CFLAR: variants seen among roughly 807,000 people sequenced by gnomAD.
CFLAR encodes the protein CASP8 and FADD like apoptosis regulator, also known as CASP8 and FADD-like apoptosis regulator.
In CFLAR, 14 loss-of-function variants were observed where a neutral mutation model predicts 51.1. The ratio of observed to expected loss-of-function variants is 0.27; its 90% CI spans 0.18 to 0.43. CFLAR has a LOEUF of 0.43. CFLAR is among the 20% of genes least tolerant of loss of function. The pLI is 1.00. For synonymous variants in CFLAR, 210 were observed against 211.6 expected (o/e 0.99, Z 0.06); for missense variants, 390 against 566.5 (o/e 0.69, Z 3.16).
chr2:201,140,286 A>G, intron 4 of CFLAR, 71 bp from the exon 5 acceptor site: 3 of 1,567,594 alleles, frequency 1.9e-6, no homozygotes, highest in South Asian at 2.3e-5. Context: ...CCTTGGACTG[A>G]ACCACTATTG....
chr2:201,155,781 A>G lies in CFLAR; in HGVS notation c.794-4651A>G, dbSNP rs115682049. Reference sequence around the variant, plus strand: ...TGGAACTACACACAGGCGCCACCACATCCATCTAATTTTTAAAATATTCTG... The same window carrying G: ...TGGAACTACACACAGGCGCCACCACGTCCATCTAATTTTTAAAATATTCTG... On this transcript the variant is annotated intron_variant, in intron 8 of 9. Transcript: ENST00000309955. Among the ~76,000 whole-genome samples, 1,103 of 151,948 alleles carry G rather than the reference A, an allele frequency of 7.3e-3. 18 individuals carry two copies. The highest frequency in any genetic ancestry group is 0.026 in the African/African-American group (1,066 of 41,432).
chr2:201,128,354 C>G (rs898920544), intron 1 of CFLAR, among the ~76,000 whole-genome samples: 1 of 152,100 alleles, frequency 6.6e-6, no homozygotes, highest in Non-Finnish European at 1.5e-5. Flanking sequence ...GTAAAATAGT[C>G]TGAGTGCCAA....
chr2:201,138,471 C>T lies in CFLAR; in HGVS notation c.524-1886C>T. 1.0e-6 allele frequency: 1 copy of T among 978,986 alleles called. No homozygotes were observed. Among genetic ancestry groups the T allele is most frequent in the Middle Eastern group, 3.0e-4 (1 of 3,298 alleles). 60.6% of individuals were successfully genotyped at this position (978,986 alleles called of 1,614,324 possible). Reference sequence around the variant, plus strand: ...TACTAAGCTGCAGGATCTCATTTGCCTCTTTCAACCTCACACTGCTGGAGC... The same window carrying T: ...TACTAAGCTGCAGGATCTCATTTGCTTCTTTCAACCTCACACTGCTGGAGC... On this transcript the variant is annotated intron_variant, in intron 4 of 9. Coordinates refer to ENST00000309955, the MANE Select transcript of CFLAR (RefSeq NM_003879.7). The surrounding 1 kb of genome is among the most constrained non-coding windows in gnomAD (Gnocchi z 4.0).
rs1339014477 is a variant in CFLAR at position 201,138,356 on chromosome 2, G to C, written c.524-2001G>C. 6.5e-6 allele frequency: 5 copies of C among 768,428 alleles called. No individual in the cohort carries two copies. The African/African-American group carries it at 8.5e-5, about 13-fold the overall frequency. 47.6% of individuals were successfully genotyped at this position (768,428 alleles called of 1,614,324 possible). ...CAGCTGCTCATGGGAATCCTTGGAG[G>C]CCACAGGGTAGTCTCGGTTCTTCAG... On this transcript the variant is annotated intron_variant, in intron 4 of 9. Coordinates refer to ENST00000309955, the MANE Select transcript of CFLAR (RefSeq NM_003879.7). This position sits in a 1 kb window ranked among gnomAD's most constrained non-coding sequence, Gnocchi z 4.0.
chr2:201,141,528 G>C, intron 5 of CFLAR: 1 of 1,390,430 alleles, frequency 7.2e-7, no homozygotes, highest in Non-Finnish European at 9.4e-7. Flanking sequence ...TCTTGTTGCT[G>C]TATGTTTAGA....
intron 2 of CFLAR, among the ~76,000 whole-genome samples, chr2:201,131,695 G>GTTTT (rs952398371): frequency 6.6e-6 from 1 of 151,776 alleles, no homozygotes; most frequent in Non-Finnish European, 1.5e-5. Flanking sequence ...TTTGGTTTTT[G>GTTTT]TTTTTTTGTT....
At chr2:201,144,138 G>A (rs1479361873) in intron 5 of CFLAR, 1 of 152,290 alleles carries the variant, frequency 6.6e-6, no homozygotes, top group East Asian at 1.9e-4. Context: ...CAACTTACAT[G>A]TTTTTAATTT....
At chr2:201,122,866 T>A (rs1402488546) in intron 1 of CFLAR, 4 of 152,072 alleles carry the variant, frequency 2.6e-5, no homozygotes, top group Admixed American at 6.5e-5. Flanking sequence ...GGAGTTAGAT[T>A]ATGGGTTGGG....
At chr2:201,141,430 G>A (rs1229095045) in intron 5 of CFLAR, 1 of 1,555,620 alleles carries the variant, frequency 6.4e-7, no homozygotes, top group Non-Finnish European at 8.7e-7. Flanking sequence ...ATTGTTCCAT[G>A]TGATTAACAT....
Position 201,138,851 on chromosome 2 carries a change from G to T in CFLAR, c.524-1506G>T. 3 of 730,062 alleles carry T rather than the reference G, an allele frequency of 4.1e-6. No homozygotes were observed. The highest frequency in any genetic ancestry group is 7.6e-6 in the Non-Finnish European group (3 of 394,408). The allele number at this position is 730,062 out of a possible 1,614,324, so 45.2% of individuals were successfully genotyped here. On this transcript the variant is annotated intron_variant, in intron 4 of 9. Coordinates refer to ENST00000309955, the MANE Select transcript of CFLAR (RefSeq NM_003879.7). This position sits in a 1 kb window ranked among gnomAD's most constrained non-coding sequence, Gnocchi z 4.0. Reference sequence around the variant, plus strand: ...GGTCGGCCTCTGTCACAGTGTCCATGGGGGAGGAGATCAGCGGCGTCTTCA... The same window carrying T: ...GGTCGGCCTCTGTCACAGTGTCCATTGGGGAGGAGATCAGCGGCGTCTTCA...
intron 5 of CFLAR, among the ~76,000 whole-genome samples, chr2:201,143,823 G>A (rs747110043): frequency 2.0e-5 from 3 of 151,888 alleles, no homozygotes; most frequent in African/African-American, 7.3e-5. Flanking sequence ...TTAACCAGGC[G>A]CAGTGGCAGG....
intron 5 of CFLAR, chr2:201,144,060 T>C (rs1430873134): frequency 6.6e-6 from 1 of 152,230 alleles, no homozygotes; most frequent in Non-Finnish European, 1.5e-5. Flanking sequence ...CGAATACACA[T>C]GCATGCGGCC....
intron 3 of CFLAR, among the ~76,000 whole-genome samples, chr2:201,134,239 C>T (rs936729723): frequency 4.0e-5 from 6 of 151,808 alleles, no homozygotes; most frequent in Admixed American, 6.6e-5. Flanking sequence ...ACCCAGGAGG[C>T]GGAGGTTGCA....
chr2:201,128,487 A>G (rs762210395), intron 1 of CFLAR, among the ~76,000 whole-genome samples: 1 of 152,210 alleles, frequency 6.6e-6, no homozygotes, highest in Non-Finnish European at 1.5e-5. Flanking sequence ...AGCCCATTTC[A>G]AATTTCTAAC....
At chr2:201,121,978 G>C (rs1013099609) in intron 1 of CFLAR, among the ~76,000 whole-genome samples, 5 of 152,198 alleles carry the variant, frequency 3.3e-5, no homozygotes, top group African/African-American at 1.2e-4. Context: ...CTCTAAAGGT[G>C]ACATCAGATG....
chr2:201,144,625 G>A (rs1386517011), intron 5 of CFLAR, among the ~76,000 whole-genome samples: 2 of 152,198 alleles, frequency 1.3e-5, no homozygotes, highest in African/African-American at 4.8e-5. Flanking sequence ...ATAAGTGGCA[G>A]AATTAGGATT....
chr2:201,138,286 GT>G lies in CFLAR; in HGVS notation c.524-2070del. 2 of 791,742 alleles carry G rather than the reference GT, an allele frequency of 2.5e-6. No individual in the cohort carries two copies. The highest frequency in any genetic ancestry group is 4.6e-6 in the Non-Finnish European group (2 of 434,514). 49.0% of individuals were successfully genotyped at this position (791,742 alleles called of 1,614,324 possible). A position where few individuals can be genotyped will look rare whatever the true frequency, so the allele number is the denominator to read the frequency against. ...CGCCTACCTGGGTGAGCAGGTCCAG[GT>G]GGTATTTGTCATCCTCATGGGTACC... On this transcript the variant is annotated intron_variant, in intron 4 of 9. Transcript: ENST00000309955. The surrounding 1 kb of genome is among the most constrained non-coding windows in gnomAD (Gnocchi z 4.0).
intron 9 of CFLAR, among the ~76,000 whole-genome samples, chr2:201,161,425 T>TC (rs1942993104): frequency 2.0e-5 from 3 of 151,406 alleles, no homozygotes; most frequent in Non-Finnish European, 4.4e-5. Flanking sequence ...TATTTATTTT[T>TC]TTTTTTGAGA....
In CFLAR at chr2:201,124,705, G is replaced by A. The variant is rs928045134; in HGVS notation, c.-137-5024G>A. Reference sequence around the variant, plus strand: ...TTTGGAGAGGGTGAGGTCTAAAGCAGGGGGAACAGAATGGCTAGGGGAATG... The same window carrying A: ...TTTGGAGAGGGTGAGGTCTAAAGCAAGGGGAACAGAATGGCTAGGGGAATG... On this transcript the variant is annotated intron_variant, in intron 1 of 9. Transcript: ENST00000309955. The surrounding 1 kb of genome is among the most constrained non-coding windows in gnomAD (Gnocchi z 4.7). Among the ~76,000 whole-genome samples the A allele has an allele frequency of 6.6e-6, 1 of 152,178 alleles. No homozygotes were observed. Among genetic ancestry groups the A allele is most frequent in the South Asian group, 2.1e-4 (1 of 4,830 alleles).
Sources: allele counts gnomAD v4.1 joint callset (sites outside exome capture counted in the v4.1 genomes callset), GRCh38; gene constraint gnomAD v4.1.1; non-coding constraint Gnocchi (gnomAD v3.1); transcripts MANE v1.5; gene names NCBI Gene and HGNC (gene_info 2026-07-23, HGNC 2026-07-21).